The following CACNA1C variants were observed in gnomAD, a reference collection of about 807,000 sequenced individuals.
CACNA1C encodes the protein voltage-dependent L-type calcium channel subunit alpha-1C.
Under a neutral mutation model 229.0 loss-of-function variants are expected in CACNA1C, and 30 were observed. The ratio of observed to expected loss-of-function variants is 0.13; its 90% confidence interval spans 0.10 to 0.18. The LOEUF (loss-of-function observed/expected upper bound fraction) is 0.18. Ranked by LOEUF, CACNA1C falls within the 10% of genes least tolerant of loss-of-function variation. The probability of loss-of-function intolerance (pLI) is 1.00; values close to 1 mark genes in which losing one functional copy is unlikely to be tolerated. For synonymous variants in CACNA1C, 1,114 were observed against 1,132.5 expected (o/e 0.98, Z 0.33); for missense variants, 1,658 against 2,845.0 (o/e 0.58, Z 9.49).
chr12:2,334,661 T>C (rs989487904), intron 3 of CACNA1C, among the ~76,000 whole-genome samples: 1 of 152,304 alleles, frequency 6.6e-6, no homozygotes. Context: ...TTTTTTTCAA[T>C]GTTGACTTTA....
At chr12:2,495,452 T>C (rs936443657) in intron 7 of CACNA1C, among the ~76,000 whole-genome samples, 108 of 152,096 alleles carry the variant, frequency 7.1e-4, no homozygotes, top group African/African-American at 2.3e-3. Context: ...GGGTGGAGGG[T>C]AGGAATAGAT....
rs1004256779 is a variant in CACNA1C at position 1,971,461 on chromosome 12, C to A, written c.139+260C>A. Among the ~76,000 whole-genome samples the A allele has an allele frequency of 2.6e-5, 4 of 152,184 alleles. No individual in the cohort carries two copies. The highest frequency in any genetic ancestry group is 5.9e-5 in the Non-Finnish European group (4 of 68,030). The stretch of plus-strand genomic sequence containing the variant: ...GCAATACTGCCTTTACATAATGAAA[C>A]ACCAATCTTTTACTTTCCTTTTAAC... On this transcript the variant is annotated intron_variant, in intron 1 of 46. Transcript: ENST00000682462. This position sits in a 1 kb window ranked among gnomAD's most constrained non-coding sequence, Gnocchi z 4.2.
intron 3 of CACNA1C, among the ~76,000 whole-genome samples, chr12:2,230,411 G>A (rs990033242): frequency 1.1e-4 from 16 of 152,362 alleles, no homozygotes; most frequent in African/African-American, 3.6e-4. Context: ...GAGCCTGGAA[G>A]CACAGTCAGC....
At chr12:2,680,603 A>C in intron 42 of CACNA1C, 1 of 1,529,744 alleles carries the variant, frequency 6.5e-7, no homozygotes, top group Non-Finnish European at 8.9e-7. Context: ...CCTCCAGCTC[A>C]GAAAATAATA....
Position 2,097,067 on chromosome 12 carries a change from G to A in CACNA1C, c.50-18157G>A, listed in dbSNP as rs142288506. On this transcript the variant is annotated intron_variant, in intron 1 of 46. Transcript: ENST00000399655. ...TGTACAAGTATCTGTTCAAGTCCTC[G>A]CCTTCAATTCTTTTGGGTATATACC... Among the ~76,000 whole-genome samples the A allele has an allele frequency of 7.5e-3, 1,138 of 152,278 alleles. 12 individuals carry two copies. The highest frequency in any genetic ancestry group is 0.026 in the African/African-American group (1,060 of 41,544).
At chr12:2,463,836 C>T (rs1172188242) in intron 5 of CACNA1C, among the ~76,000 whole-genome samples, 1 of 152,202 alleles carries the variant, frequency 6.6e-6, no homozygotes, top group Non-Finnish European at 1.5e-5. Context: ...GTAACAGAAT[C>T]AGTTCTCTCT....
intron 3 of CACNA1C, among the ~76,000 whole-genome samples, chr12:2,426,009 G>A (rs1422299014): frequency 1.3e-5 from 2 of 152,128 alleles, no homozygotes; most frequent in Non-Finnish European, 2.9e-5. Context: ...TCATATTCTC[G>A]AAGGCATTTG....
intron 3 of CACNA1C, among the ~76,000 whole-genome samples, chr12:2,288,479 A>G (rs2154447596): frequency 6.6e-6 from 1 of 152,132 alleles, no homozygotes; most frequent in South Asian, 2.1e-4. Context: ...GGTGTTTGCA[A>G]CCCCATTTTC....
intron 38 of CACNA1C, among the ~76,000 whole-genome samples, chr12:2,670,466 C>A (rs561606978): frequency 6.6e-6 from 1 of 152,150 alleles, no homozygotes; most frequent in Non-Finnish European, 1.5e-5. Context: ...GCCTTCTCTC[C>A]GTTAGATCCT....
intron 3 of CACNA1C, among the ~76,000 whole-genome samples, chr12:2,322,079 G>A (rs961327957): frequency 2.0e-5 from 3 of 152,174 alleles, no homozygotes; most frequent in East Asian, 3.9e-4. Context: ...TTAAGAAATC[G>A]ATTTAATTTG....
At chr12:2,611,228 A>G (rs1178628919) in intron 28 of CACNA1C, among the ~76,000 whole-genome samples, 7 of 115,398 alleles carry the variant, frequency 6.1e-5, no homozygotes, top group Admixed American at 8.6e-5. Context: ...TGGTTGATCA[A>G]TGGAGAGAGG....
At chr12:2,571,685 A>G (rs2054511766) in intron 13 of CACNA1C, among the ~76,000 whole-genome samples, 1 of 151,142 alleles carries the variant, frequency 6.6e-6, no homozygotes, top group African/African-American at 2.4e-5. Flanking sequence ...GTCTATAAAC[A>G]GAAAAAATCA....
rs1166650553 is a variant in CACNA1C at position 2,654,953 on chromosome 12, C to T, written c.4141-194C>T. Among the ~76,000 whole-genome samples, 2 of 152,168 alleles carry T rather than the reference C, an allele frequency of 1.3e-5. No homozygotes were observed. Among genetic ancestry groups the T allele is most frequent in the East Asian group, 1.9e-4 (1 of 5,184 alleles). On this transcript the variant is annotated intron_variant, in intron 33 of 46. Coordinates refer to ENST00000399655, the MANE Select transcript of CACNA1C (RefSeq NM_000719.7). This position sits in a 1 kb window ranked among gnomAD's most constrained non-coding sequence, Gnocchi z 4.4. Reference sequence around the variant, plus strand: ...TGGGCACTTTGATTCTCATGCTTGTCCAGTGTAGGGATTTGGGCTCAGGGG... The same window carrying T: ...TGGGCACTTTGATTCTCATGCTTGTTCAGTGTAGGGATTTGGGCTCAGGGG...
At chr12:2,422,269 C>T (rs995618868) in intron 3 of CACNA1C, among the ~76,000 whole-genome samples, 13 of 152,152 alleles carry the variant, frequency 8.5e-5, no homozygotes, top group African/African-American at 3.1e-4. Flanking sequence ...AGCAGACATA[C>T]ATGGCTTTTG....
chr12:2,610,793 C>T (rs80202610), intron 28 of CACNA1C, 94 bp downstream of exon 28: 160 of 1,276,086 alleles, frequency 1.3e-4, no homozygotes, highest in East Asian at 8.3e-4. Flanking sequence ...CTCAGTGCAT[C>T]GCTTTCCTGG....
chr12:2,488,452 G>A lies in CACNA1C; in HGVS notation c.916+2190G>A, dbSNP rs1220993717. 6.6e-6 allele frequency among the ~76,000 whole-genome samples: 1 copy of A among 152,184 alleles called. No homozygotes were observed. The highest frequency in any genetic ancestry group is 1.5e-5 in the Non-Finnish European group (1 of 68,034). On this transcript the variant is annotated intron_variant, in intron 6 of 46. Coordinates refer to ENST00000399655, the MANE Select transcript of CACNA1C (RefSeq NM_000719.7). This position sits in a 1 kb window ranked among gnomAD's most constrained non-coding sequence, Gnocchi z 4.0. ...CGCCCCAAGTACCGAACCTGTCATGGCCTCCTCTTCTCTTAGGACAAAGAT... is the reference window on the plus strand; with the variant it reads ...CGCCCCAAGTACCGAACCTGTCATGACCTCCTCTTCTCTTAGGACAAAGAT...
intron 3 of CACNA1C, among the ~76,000 whole-genome samples, chr12:2,422,300 A>C (rs1180669694): frequency 6.6e-6 from 1 of 152,246 alleles, no homozygotes. Context: ...TAGCTGTTAC[A>C]GGCCAGTGGA....
At chr12:2,197,813 G>A (rs563703727) in intron 3 of CACNA1C, among the ~76,000 whole-genome samples, 1 of 152,254 alleles carries the variant, frequency 6.6e-6, no homozygotes, top group South Asian at 2.1e-4. Flanking sequence ...TGACAGTTTT[G>A]AGGACCCTTT....
intron 3 of CACNA1C, among the ~76,000 whole-genome samples, chr12:2,153,659 C>CA (rs1032398447): frequency 1.3e-5 from 2 of 152,184 alleles, no homozygotes; most frequent in Non-Finnish European, 2.9e-5. Flanking sequence ...GCCGTGTTGA[C>CA]AGGGACCATG....
Sources: allele counts gnomAD v4.1 joint callset (sites outside exome capture counted in the v4.1 genomes callset), GRCh38; gene constraint gnomAD v4.1.1; non-coding constraint Gnocchi (gnomAD v3.1); transcripts MANE v1.5; gene names NCBI Gene and HGNC (gene_info 2026-07-23, HGNC 2026-07-21).